ZNF20: variants seen among roughly 807,000 people sequenced by gnomAD.
ZNF20 encodes zinc finger protein KOX13.
A neutral mutation model predicts 11.0 loss-of-function variants in ZNF20; 9 were observed. That is an observed-to-expected ratio of 0.82 (90% CI 0.49 to 1.43). The LOEUF (loss-of-function observed/expected upper bound fraction) is 1.43, where lower values mean the gene tolerates loss of function less well. Ranked by LOEUF, ZNF20 falls within the 40% of genes most tolerant of loss-of-function variation. The pLI, the probability that ZNF20 is intolerant of heterozygous loss-of-function variation, is 0.00. For synonymous variants in ZNF20, 182 were observed against 213.0 expected (o/e 0.85, Z 1.27); for missense variants, 528 against 640.8 (o/e 0.82, Z 1.90).
rs1976657421 is a variant in ZNF20, at chr19:12,133,422, T to C, written c.764A>G (p.Asp255Gly). ...TGCATTCCCACATTCTTTACATTCATCGGCATTCACTCCTGTGTGAGTTCT... is the reference window on the plus strand; with the variant it reads ...TGCATTCCCACATTCTTTACATTCACCGGCATTCACTCCTGTGTGAGTTCT... The part of the protein sequence containing the change: ...HERTHTGVNA[D>G]ECKECGNAFS... Residue 255 changes from aspartate (D) to glycine (G), a missense_variant, in exon 4 of 4, where the codon GAT (aspartate) becomes GGT (glycine). Physicochemically the swap from Asp to Gly is moderately conservative, Grantham distance 94. Coordinates refer to ENST00000334213, the MANE Select transcript of ZNF20 (RefSeq NM_021143.4). 9 of 1,614,014 alleles carry C rather than the reference T, an allele frequency of 5.6e-6. No homozygotes were observed. Among genetic ancestry groups the C allele is most frequent in the Non-Finnish European group, 7.6e-6 (9 of 1,179,964 alleles).
chr19:12,136,815 T>C (rs2145600752), intron 1 of ZNF20: 1 of 434,904 alleles, frequency 2.3e-6, no homozygotes, highest in Admixed American at 2.6e-5. Flanking sequence ...ACAAAGCAGG[T>C]ATCACCAGCC....
Position 12,132,420 on chromosome 19 carries a change from T to C in ZNF20, c.*167A>G. 1 of 693,744 alleles carries C rather than the reference T, an allele frequency of 1.4e-6. No individual in the cohort carries two copies. Among genetic ancestry groups the C allele is most frequent in the South Asian group, 2.1e-5 (1 of 46,920 alleles). The allele number at this position is 693,744 out of a possible 1,614,324, so 43.0% of individuals were successfully genotyped here. ...CAAGATTGGCTATAGGTGAATTGTA[T>C]TACGAAACCATCCAAGTTCTTCTAG... On this transcript the variant is annotated 3_prime_UTR_variant, in exon 4 of 4. Transcript: ENST00000334213.
At chr19:12,135,592 C>T in intron 2 of ZNF20, 32 bp from the exon 3 acceptor site, 2 of 1,606,888 alleles carry the variant, frequency 1.2e-6, no homozygotes, top group Non-Finnish European at 1.7e-6. Context: ...AACACAGATC[C>T]AGAATTAGTA....
At position 12,139,592 on chromosome 19, in the gene ZNF20, G is replaced by A. The variant is rs915616734; in HGVS notation, c.3+588C>T. On this transcript the variant is annotated intron_variant, in intron 1 of 3. Coordinates refer to ENST00000334213, the MANE Select transcript of ZNF20 (RefSeq NM_021143.4). This position sits in a 1 kb window ranked among gnomAD's most constrained non-coding sequence, Gnocchi z 4.0. ...GTCCCCTAGGTTGGAGTGCAGTGGCGTGATCTCGGCTCACTGCAACCTTCG... is the reference window on the plus strand; with the variant it reads ...GTCCCCTAGGTTGGAGTGCAGTGGCATGATCTCGGCTCACTGCAACCTTCG... Among the ~76,000 whole-genome samples, 1 of 151,224 alleles carries A rather than the reference G, an allele frequency of 6.6e-6. No homozygotes were observed. Among genetic ancestry groups the A allele is most frequent in the East Asian group, 1.9e-4 (1 of 5,140 alleles).
intron 1 of ZNF20, among the ~76,000 whole-genome samples, chr19:12,138,693 C>T (rs1976751383): frequency 6.6e-6 from 1 of 151,762 alleles, no homozygotes; most frequent in African/African-American, 2.4e-5. Flanking sequence ...ATATACTCTA[C>T]AATAAAGAAA....
Position 12,140,259 on chromosome 19 carries a change from C to A in ZNF20, c.-77G>T. 2.6e-6 allele frequency: 4 copies of A among 1,565,312 alleles called. No homozygotes were observed. Among genetic ancestry groups the A allele is most frequent in the Non-Finnish European group, 3.5e-6 (4 of 1,153,278 alleles). ...GCGGGTCACGGTGCAGGCGGCAGAGCGACAGAAGTTGTGGCAGAGGGACCC... is the reference window on the plus strand; with the variant it reads ...GCGGGTCACGGTGCAGGCGGCAGAGAGACAGAAGTTGTGGCAGAGGGACCC... On this transcript the variant is annotated 5_prime_UTR_variant, in exon 1 of 4. Transcript: ENST00000334213.
chr19:12,139,084 ATCAAAC>A lies in ZNF20; in HGVS notation c.3+1090_3+1095del, dbSNP rs1319250109. 3.9e-5 allele frequency among the ~76,000 whole-genome samples: 6 copies of A among 152,218 alleles called. No homozygotes were observed. Among genetic ancestry groups the A allele is most frequent in the Non-Finnish European group, 2.9e-5 (2 of 68,040 alleles). ...TAAGAAACTACCTAAGGACACCAAA[ATCAAAC>A]TCAAATTGAGGCAGGAAAATAGGGT... On this transcript the variant is annotated intron_variant, in intron 1 of 3. Coordinates refer to ENST00000334213, the MANE Select transcript of ZNF20 (RefSeq NM_021143.4). The surrounding 1 kb of genome is among the most constrained non-coding windows in gnomAD (Gnocchi z 4.0).
In ZNF20 at chr19:12,139,967, C is replaced by A. The variant is rs1239703528; in HGVS notation, c.3+213G>T. Among the ~76,000 whole-genome samples the A allele has an allele frequency of 2.0e-5, 3 of 152,186 alleles. No individual in the cohort carries two copies. The highest frequency in any genetic ancestry group is 4.4e-5 in the Non-Finnish European group (3 of 68,024). On this transcript the variant is annotated intron_variant, in intron 1 of 3. Transcript: ENST00000334213. The surrounding 1 kb of genome is among the most constrained non-coding windows in gnomAD (Gnocchi z 4.0). The stretch of plus-strand genomic sequence containing the variant: ...TCCAGGGTCGGGGCCCACAGTCGCC[C>A]GCGCAGGAACAGAACAGGAGGACGC...
rs574560050 is a variant in ZNF20 at position 12,132,921 on chromosome 19, G to A, written c.1265C>T (p.Pro422Leu). The A allele has an allele frequency of 1.9e-6, 3 of 1,614,054 alleles. No homozygotes were observed. The African/African-American group carries it at 4.0e-5, about 22-fold the overall frequency. ...IHERTHTGEK[P>L]HECKQCGKAF... ...TTTTCCACATTGCTTACATTCATGG[G>A]GCTTCTCTCCAGTGTGCGTCCTTTC... is the stretch of plus-strand genomic sequence containing the variant. The change falls in exon 4 of 4, where the codon CCC (proline) becomes CTC (leucine). Residue 422 changes from proline to leucine, a missense_variant. Transcript: ENST00000334213.
Position 12,133,327 on chromosome 19 carries a change from G to A in ZNF20, c.859C>T (p.Gln287Ter). ...AAAGAAATGAAGACTTTCCCACATT[G>A]CTTACACTCATAGGGTTTTTCTCCA... ...HTGEKPYECK[Q>*]CGKVFISFSS... The change falls in exon 4 of 4, where the codon CAA (glutamine) becomes TAA (stop). Residue 287 changes from glutamine (Q) to a stop codon, truncating the protein, a stop_gained. Coordinates refer to ENST00000334213, the MANE Select transcript of ZNF20 (RefSeq NM_021143.4). LOFTEE classifies it low-confidence loss of function (END_TRUNC). The A allele has an allele frequency of 1.2e-6, 2 of 1,614,160 alleles. No individual in the cohort carries two copies. Among genetic ancestry groups the A allele is most frequent in the Non-Finnish European group, 1.7e-6 (2 of 1,180,034 alleles).
In ZNF20 at chr19:12,133,882, T is replaced by C. The variant is rs200185220; in HGVS notation, c.304A>G (p.Ile102Val). The stretch of plus-strand genomic sequence containing the variant: ...CACACACTGCTTTCACATGGTGTTA[T>C]TCCAGGAAGAGTTTTCCTGTTCAGC... ...DMLNRKTLPGITPCESSVCGE... is the reference protein window; with the variant it reads ...DMLNRKTLPGVTPCESSVCGE... The change falls in exon 4 of 4, where the codon ATA (isoleucine) becomes GTA (valine). Residue 102 changes from isoleucine (I) to valine (V), a missense_variant. By Grantham distance (29) the Ile-to-Val change is conservative. Transcript: ENST00000334213. 6.2e-7 allele frequency: 1 copy of C among 1,614,246 alleles called. No individual in the cohort carries two copies. Among genetic ancestry groups the C allele is most frequent in the East Asian group, 2.2e-5 (1 of 44,888 alleles).
rs1387719587 is a variant in ZNF20 at position 12,133,062 on chromosome 19, C to T, written c.1124G>A (p.Gly375Asp). Reference protein sequence around the residue: ...KPYGCKQCGKGFRCASQLQIH... With the variant: ...KPYGCKQCGKDFRCASQLQIH... ...TTGAAGTTGTGAAGCACATCTAAAG[C>T]CTTTCCCACACTGCTTACATCCATA... The change falls in exon 4 of 4, where the codon GGC becomes GAC. Residue 375 changes from glycine to aspartate, a missense_variant. Coordinates refer to ENST00000334213, the MANE Select transcript of ZNF20 (RefSeq NM_021143.4). 6.2e-7 allele frequency: 1 copy of T among 1,614,004 alleles called. No homozygotes were observed. Among genetic ancestry groups the T allele is most frequent in the Admixed American group, 1.7e-5 (1 of 59,996 alleles).
Position 12,133,684 on chromosome 19 carries a change from C to G in ZNF20, c.502G>C (p.Glu168Gln). The G allele has an allele frequency of 6.2e-7, 1 of 1,614,204 alleles. No individual in the cohort carries two copies. The highest frequency in any genetic ancestry group is 8.5e-7 in the Non-Finnish European group (1 of 1,180,042). Residue 168 changes from glutamate (E) to glutamine (Q), a missense_variant, in exon 4 of 4, where the codon GAG becomes CAG. Transcript: ENST00000334213. ...CATTCTTTACCATCATAGGGTTTCT[C>G]TTTAGTGCAAGCTTTATCATGTGAT... is the stretch of plus-strand genomic sequence containing the variant. ...FQSHDKACTK[E>Q]KPYDGKECTE...
intron 3 of ZNF20, among the ~76,000 whole-genome samples, chr19:12,134,338 A>T (rs1220368761): frequency 6.6e-6 from 1 of 151,570 alleles, no homozygotes; most frequent in African/African-American, 2.4e-5. Flanking sequence ...AAAAAATAAA[A>T]AAATAAAAAA....
Position 12,133,102 on chromosome 19 carries a change from T to C in ZNF20, c.1084A>G (p.Thr362Ala), listed in dbSNP as rs1976650789. ...SDLQRHEKTH[T>A]EDKPYGCKQC... ...TTACATCCATAGGGTTTATCCTCAG[T>C]GTGTGTCTTTTCATGCCTTTGAAGG... is the stretch of plus-strand genomic sequence containing the variant. Residue 362 changes from threonine (T) to alanine (A), a missense_variant, in exon 4 of 4, where the codon ACT becomes GCT. Physicochemically the swap from Thr to Ala is moderately conservative, Grantham distance 58. Transcript: ENST00000334213. 1 of 1,613,912 alleles carries C rather than the reference T, an allele frequency of 6.2e-7. No homozygotes were observed. Among genetic ancestry groups the C allele is most frequent in the Non-Finnish European group, 8.5e-7 (1 of 1,180,008 alleles).
Position 12,140,235 on chromosome 19 carries a change from C to A in ZNF20, c.-53G>T, listed in dbSNP as rs767491639. 3.8e-6 allele frequency: 6 copies of A among 1,588,262 alleles called. No homozygotes were observed. Among genetic ancestry groups the A allele is most frequent in the Non-Finnish European group, 4.3e-6 (5 of 1,166,962 alleles). On this transcript the variant is annotated 5_prime_UTR_variant, in exon 1 of 4. Transcript: ENST00000334213. The stretch of plus-strand genomic sequence containing the variant: ...CTCTCTAGGGCTCCCGTGAATAGTG[C>A]GGGTCACGGTGCAGGCGGCAGAGCG...
At position 12,139,871 on chromosome 19, in the gene ZNF20, T is replaced by C. The variant is rs891049199; in HGVS notation, c.3+309A>G. Among the ~76,000 whole-genome samples the C allele has an allele frequency of 5.9e-5, 9 of 152,054 alleles. No homozygotes were observed. Among genetic ancestry groups the C allele is most frequent in the Non-Finnish European group, 1.3e-4 (9 of 67,988 alleles). ...AAAAAAAATCCGCAGGATTCCCCCA[T>C]GACCCTCCCGTGGTCCCCGCAAAAT... On this transcript the variant is annotated intron_variant, in intron 1 of 3. Coordinates refer to ENST00000334213, the MANE Select transcript of ZNF20 (RefSeq NM_021143.4). The surrounding 1 kb of genome is among the most constrained non-coding windows in gnomAD (Gnocchi z 4.0).
chr19:12,140,337 CA>C lies in ZNF20; in HGVS notation c.-156del. ...ATCCCGACAACAACCTGCATAGCAA[CA>C]AAAGTAGAAGCTGGAATGGGCCTCC... On this transcript the variant is annotated 5_prime_UTR_variant, in exon 1 of 4. Transcript: ENST00000334213. 6 of 995,200 alleles carry C rather than the reference CA, an allele frequency of 6.0e-6. No homozygotes were observed. The highest frequency in any genetic ancestry group is 9.3e-6 in the Non-Finnish European group (6 of 644,198). 61.6% of individuals were successfully genotyped at this position (995,200 alleles called of 1,614,324 possible).
In ZNF20 at chr19:12,133,809, G is replaced by A. The variant is rs61743205; in HGVS notation, c.377C>T (p.Ala126Val). ...GHSSLNTHIR[A>V]DTGHKSSEYQ... Reference sequence around the variant, plus strand: ...CTCAGATGACTTGTGTCCAGTGTCAGCTCTGATATGCGTATTAAGAGATGA... The same window carrying A: ...CTCAGATGACTTGTGTCCAGTGTCAACTCTGATATGCGTATTAAGAGATGA... The change falls in exon 4 of 4, where the codon GCT becomes GTT. Residue 126 changes from alanine to valine, a missense_variant. Coordinates refer to ENST00000334213, the MANE Select transcript of ZNF20 (RefSeq NM_021143.4). The A allele has an allele frequency of 2.7e-3, 4,369 of 1,614,176 alleles. 99 individuals are homozygous for A. The African/African-American group carries it at 0.052, about 19-fold the overall frequency.
Sources: gnomAD v4.1 joint callset for allele counts (sites outside exome capture counted in the v4.1 genomes callset) on GRCh38, gnomAD v4.1.1 for gene constraint, Gnocchi (gnomAD v3.1) non-coding constraint, MANE v1.5 for transcripts, NCBI Gene and HGNC (gene_info 2026-07-23, HGNC 2026-07-21) for gene names.